Variants in NTN1 observed in about 807,000 individuals in gnomAD.
NTN1 encodes the protein netrin 1.
NTN1 carries 11 observed loss-of-function variants against 54.2 expected under a neutral mutation model. That is an observed-to-expected ratio of 0.20 (90% CI 0.13 to 0.34). NTN1 has a LOEUF of 0.34. Ranked by LOEUF, NTN1 falls within the 10% of genes least tolerant of loss-of-function variation. The probability of loss-of-function intolerance (pLI) is 1.00; values close to 1 mark genes in which losing one functional copy is unlikely to be tolerated. For synonymous variants in NTN1, 371 were observed against 382.0 expected (o/e 0.97, Z 0.33); for missense variants, 740 against 893.1 (o/e 0.83, Z 2.18).
intron 5 of NTN1, among the ~76,000 whole-genome samples, chr17:9,206,371 T>C (rs1459742466): frequency 6.6e-6 from 1 of 152,194 alleles, no homozygotes; most frequent in Non-Finnish European, 1.5e-5. Flanking sequence ...TTGTTCCAAG[T>C]GGAGAAGAGG....
intron 2 of NTN1, among the ~76,000 whole-genome samples, chr17:9,104,176 A>G (rs9905655): frequency 0.19 from 28,404 of 151,200 alleles, 3,054 homozygotes; most frequent in Non-Finnish European, 0.24. Context: ...ACAGACAGAA[A>G]GCAGAATGGT....
rs575123738 is a variant in NTN1, at chr17:9,081,874, G to T, written c.1018+58483G>T. Among the ~76,000 whole-genome samples, 124 of 152,268 alleles carry T rather than the reference G, an allele frequency of 8.1e-4. 1 individual carries two copies. Among genetic ancestry groups the T allele is most frequent in the African/African-American group, 2.9e-3 (119 of 41,546 alleles). ...AAATTCACTTTTAACCTTACATAAG[G>T]CCTGGAAGAGCACTTCCATTTGCCA... On this transcript the variant is annotated intron_variant, in intron 2 of 6. Coordinates refer to ENST00000173229, the MANE Select transcript of NTN1 (RefSeq NM_004822.3).
chr17:9,168,768 G>A (rs1298234849), intron 3 of NTN1, among the ~76,000 whole-genome samples: 1 of 152,104 alleles, frequency 6.6e-6, no homozygotes, highest in Non-Finnish European at 1.5e-5. Context: ...CCCTATAAAA[G>A]CCTCGGGCAC....
At chr17:9,157,635 A>T (rs139304102) in intron 2 of NTN1, among the ~76,000 whole-genome samples, 215 of 152,260 alleles carry the variant, frequency 1.4e-3, no homozygotes, top group Non-Finnish European at 2.6e-3. Flanking sequence ...GCCACATGTG[A>T]TGCATCCTTG....
Position 9,150,457 on chromosome 17 carries a change from C to A in NTN1, c.1019-12356C>A, listed in dbSNP as rs1366954167. ...GCACATAGAGGGCCAGGGCTAAAGTCCCCGAAGGAGGTGGCAGAGAGAGCA... is the reference window on the plus strand; with the variant it reads ...GCACATAGAGGGCCAGGGCTAAAGTACCCGAAGGAGGTGGCAGAGAGAGCA... On this transcript the variant is annotated intron_variant, in intron 2 of 6. Coordinates refer to ENST00000173229, the MANE Select transcript of NTN1 (RefSeq NM_004822.3). Among the ~76,000 whole-genome samples the A allele has an allele frequency of 2.6e-5, 4 of 152,278 alleles. No homozygotes were observed. The East Asian group carries it at 7.7e-4, about 29-fold the overall frequency.
At chr17:9,060,908 G>A (rs548340550) in intron 2 of NTN1, among the ~76,000 whole-genome samples, 22 of 149,324 alleles carry the variant, frequency 1.5e-4, no homozygotes, top group South Asian at 6.3e-4. Context: ...CCTGGGAGGC[G>A]GAGGTTGCAG....
At chr17:9,205,610 G>C (rs189874055) in intron 5 of NTN1, among the ~76,000 whole-genome samples, 1 of 152,380 alleles carries the variant, frequency 6.6e-6, no homozygotes, top group Non-Finnish European at 1.5e-5. Flanking sequence ...GTGACAAAGG[G>C]AGACCCTGTC....
chr17:9,195,619 C>T (rs1214984743), intron 5 of NTN1, among the ~76,000 whole-genome samples: 1 of 152,194 alleles, frequency 6.6e-6, no homozygotes, highest in Non-Finnish European at 1.5e-5. Flanking sequence ...AGGCTCAGAG[C>T]TCGGCCTGAA....
chr17:9,225,267 A>G (rs764333888), intron 6 of NTN1, among the ~76,000 whole-genome samples: 22 of 140,966 alleles, frequency 1.6e-4, no homozygotes, highest in Non-Finnish European at 3.1e-4. Context: ...AAAAAAAAAT[A>G]AATAAAAAGT....
chr17:9,155,346 G>GTT lies in NTN1; in HGVS notation c.1019-7455_1019-7454dup, dbSNP rs5819216. Reference sequence around the variant, plus strand: ...TGGAGCAGCTTTCTTTTTCTTTTTTGTTTTTTTTTTTTTGAGACGAGTTTT... The same window carrying GTT: ...TGGAGCAGCTTTCTTTTTCTTTTTTGTTTTTTTTTTTTTTTGAGACGAGTTTT... On this transcript the variant is annotated intron_variant, in intron 2 of 6. Coordinates refer to ENST00000173229, the MANE Select transcript of NTN1 (RefSeq NM_004822.3). 2.0e-3 allele frequency among the ~76,000 whole-genome samples: 283 copies of GTT among 142,862 alleles called. 1 individual carries two copies. Among genetic ancestry groups the GTT allele is most frequent in the Middle Eastern group, 3.7e-3 (1 of 268 alleles). 93.7% of individuals were successfully genotyped at this position (142,862 alleles called of 152,430 possible).
the NTN1 span, among the ~76,000 whole-genome samples, chr17:9,009,395 T>G: frequency 6.6e-6 from 1 of 152,216 alleles, no homozygotes; most frequent in Non-Finnish European, 1.5e-5. Flanking sequence ...TCCCACCTTC[T>G]GCGTAGTTTC....
chr17:9,232,367 G>A (rs946142979), intron 6 of NTN1, among the ~76,000 whole-genome samples: 3 of 152,318 alleles, frequency 2.0e-5, no homozygotes, highest in African/African-American at 4.8e-5. Context: ...TGAGCCTCAC[G>A]GTGCAGAGCT....
At chr17:9,019,733 TTCC>T (rs1440095816), upstream of NTN1, among the ~76,000 whole-genome samples, 2 of 152,230 alleles carry the variant, frequency 1.3e-5, no homozygotes, top group African/African-American at 4.8e-5. Context: ...TCCGAAGCGT[TTCC>T]TCCTAAGAGC....
intron 2 of NTN1, among the ~76,000 whole-genome samples, chr17:9,155,877 C>T (rs191589500): frequency 2.0e-3 from 306 of 152,282 alleles, no homozygotes; most frequent in African/African-American, 6.8e-3. Flanking sequence ...AACAGCCCCT[C>T]CCTCCCCAGT....
intron 2 of NTN1, among the ~76,000 whole-genome samples, chr17:9,084,392 G>A (rs1217009555): frequency 6.6e-6 from 1 of 152,160 alleles, no homozygotes; most frequent in Non-Finnish European, 1.5e-5. Flanking sequence ...TGTGTGGGAG[G>A]GAAACCCAAA....
chr17:9,069,110 G>A lies in NTN1; in HGVS notation c.1018+45719G>A, dbSNP rs189581120. Among the ~76,000 whole-genome samples, 10 of 151,768 alleles carry A rather than the reference G, an allele frequency of 6.6e-5. No individual in the cohort carries two copies. The East Asian group carries it at 1.6e-3, about 24-fold the overall frequency. ...GCCTCCTAGCCTGGCTTCCTCCACC[G>A]TTCATCAAGACTTCAGTACCAGGAG... On this transcript the variant is annotated intron_variant, in intron 2 of 6. Transcript: ENST00000173229.
At chr17:9,050,969 A>C (rs1308817026) in intron 2 of NTN1, among the ~76,000 whole-genome samples, 1 of 152,152 alleles carries the variant, frequency 6.6e-6, no homozygotes, top group East Asian at 1.9e-4. Context: ...AATCCTGTCC[A>C]CTAGGCTGTT....
intron 5 of NTN1, among the ~76,000 whole-genome samples, chr17:9,213,804 A>G (rs1399717231): frequency 1.3e-5 from 2 of 152,148 alleles, no homozygotes; most frequent in African/African-American, 4.8e-5. Flanking sequence ...GACATCTCTC[A>G]TGACTATTTT....
intron 2 of NTN1, among the ~76,000 whole-genome samples, chr17:9,039,169 A>G (rs1485670709): frequency 6.6e-6 from 1 of 152,144 alleles, no homozygotes; most frequent in East Asian, 1.9e-4. Flanking sequence ...TAGGTTCAGT[A>G]TTCACTCATT....
Sources: gnomAD v4.1 joint callset for allele counts (sites outside exome capture counted in the v4.1 genomes callset) on GRCh38, gnomAD v4.1.1 for gene constraint, MANE v1.5 for transcripts, NCBI Gene and HGNC (gene_info 2026-07-23, HGNC 2026-07-21) for gene names.